The following NRCAM variants were observed in gnomAD, a reference collection of about 807,000 sequenced individuals.
The protein encoded by NRCAM is NgCAM-related cell adhesion molecule.
NRCAM carries 83 observed loss-of-function variants against 156.5 expected under a neutral mutation model. The observed-to-expected ratio is 0.53, with a 90% confidence interval of 0.44 to 0.64. The LOEUF (loss-of-function observed/expected upper bound fraction) is 0.64. Ranked by LOEUF, NRCAM falls within the 30% of genes least tolerant of loss-of-function variation. The pLI is 0.00. For missense variants in NRCAM, 1,417 were observed against 1,597.3 expected (o/e 0.89, Z 1.92); for synonymous variants, 538 against 563.9 (o/e 0.95, Z 0.65).
At chr7:108,200,737 T>TACACAC (rs61489479) in intron 13 of NRCAM, among the ~76,000 whole-genome samples, 196 of 135,066 alleles carry the variant, frequency 1.5e-3, no homozygotes, top group East Asian at 5.9e-3. Flanking sequence ...GATAAAGAAA[T>TACACAC]ACACACACAC....
chr7:108,267,360 C>T (rs1288863507), intron 3 of NRCAM, among the ~76,000 whole-genome samples: 2 of 152,222 alleles, frequency 1.3e-5, no homozygotes, highest in Admixed American at 6.5e-5. Flanking sequence ...AAAAGGCATA[C>T]TGTGGCTTTA....
intron 3 of NRCAM, among the ~76,000 whole-genome samples, chr7:108,298,595 G>C (rs1337211627): frequency 6.6e-6 from 1 of 151,774 alleles, no homozygotes; most frequent in Non-Finnish European, 1.5e-5. Context: ...AGACCTTGCA[G>C]TGAGCCGAGA....
Position 108,300,633 on chromosome 7 carries a change from T to A in NRCAM, c.-107+12032A>T, listed in dbSNP as rs577250283. Among the ~76,000 whole-genome samples, 8 of 152,228 alleles carry A rather than the reference T, an allele frequency of 5.3e-5. No individual in the cohort carries two copies. The South Asian group carries it at 1.7e-3, about 32-fold the overall frequency. On this transcript the variant is annotated intron_variant, in intron 3 of 32. Coordinates refer to ENST00000379028, the MANE Select transcript of NRCAM (RefSeq NM_001037132.4). ...TTGAGGCACATAGGCTAGGTGGAAGTGTAAGGTAATGATAAAGGCATCAGG... is the reference window on the plus strand; with the variant it reads ...TTGAGGCACATAGGCTAGGTGGAAGAGTAAGGTAATGATAAAGGCATCAGG...
chr7:108,219,081 C>G (rs747615460), intron 11 of NRCAM, among the ~76,000 whole-genome samples: 2 of 152,022 alleles, frequency 1.3e-5, no homozygotes, highest in Non-Finnish European at 2.9e-5. Context: ...CTATGAACAC[C>G]CTTACACACA....
chr7:108,404,994 A>AT (rs1168218324), intron 1 of NRCAM, among the ~76,000 whole-genome samples: 3 of 152,198 alleles, frequency 2.0e-5, no homozygotes, highest in Non-Finnish European at 4.4e-5. Context: ...AGGAAATGTG[A>AT]TTTTTTCCTC....
chr7:108,189,710 T>C lies in NRCAM; in HGVS notation c.1970A>G (p.Asp657Gly). 1.3e-6 allele frequency: 2 copies of C among 1,550,142 alleles called. No individual in the cohort carries two copies. The highest frequency in any genetic ancestry group is 1.8e-6 in the Non-Finnish European group (2 of 1,123,740). The change falls in exon 20 of 33, where the codon GAT (aspartate) becomes GGT (glycine). Residue 657 changes from aspartate to glycine, a missense_variant. Physicochemically the swap from Asp to Gly is moderately conservative, Grantham distance 94. This residue lies in a region of NRCAM where 1,238 missense variants were observed against 1,336.4 expected (regional missense o/e 0.93). Transcript: ENST00000379028. The part of the protein sequence containing the change: ...PNPPFDLELT[D>G]QLDKSVQLSW... Reference sequence around the variant, plus strand: ...CAGCTGAACACTTTTGTCAAGTTGATCTGTCAGTTCTAAGTCAAAGGGAGG... The same window carrying C: ...CAGCTGAACACTTTTGTCAAGTTGACCTGTCAGTTCTAAGTCAAAGGGAGG...
chr7:108,342,153 C>G (rs982991253), intron 2 of NRCAM, among the ~76,000 whole-genome samples: 8 of 152,348 alleles, frequency 5.3e-5, no homozygotes, highest in African/African-American at 1.9e-4. Flanking sequence ...TACCTGGACA[C>G]TCTTGTCCTT....
intron 13 of NRCAM, among the ~76,000 whole-genome samples, chr7:108,202,221 C>T (rs1563416326): frequency 6.6e-6 from 1 of 152,176 alleles, no homozygotes; most frequent in Admixed American, 6.5e-5. Flanking sequence ...TGATGGCCTT[C>T]AGAAAATACT....
intron 1 of NRCAM, among the ~76,000 whole-genome samples, chr7:108,448,801 C>G (rs1405024048): frequency 6.6e-6 from 1 of 152,104 alleles, no homozygotes; most frequent in African/African-American, 2.4e-5. Context: ...GCCAAAATCA[C>G]ACTTCATAAA....
intron 1 of NRCAM, among the ~76,000 whole-genome samples, chr7:108,431,690 T>G (rs1825419019): frequency 6.6e-6 from 1 of 152,008 alleles, no homozygotes; most frequent in Admixed American, 6.6e-5. Flanking sequence ...GTGGCTGAGG[T>G]AGGAAAATCA....
chr7:108,363,431 TGTGCCAC>T (rs1470974876), intron 2 of NRCAM, among the ~76,000 whole-genome samples: 1 of 152,076 alleles, frequency 6.6e-6, no homozygotes, highest in Non-Finnish European at 1.5e-5. Context: ...ACGACAGGCG[TGTGCCAC>T]CATGCCCAGC....
intron 27 of NRCAM, among the ~76,000 whole-genome samples, chr7:108,175,819 G>A (rs1457616548): frequency 6.6e-6 from 1 of 152,116 alleles, no homozygotes; most frequent in Non-Finnish European, 1.5e-5. Flanking sequence ...ACTTTTTAAA[G>A]TATGAAAAGA....
chr7:108,155,680 C>A (rs73412317), intron 32 of NRCAM, among the ~76,000 whole-genome samples: 2,148 of 152,056 alleles, frequency 0.014, 57 homozygotes, highest in African/African-American at 0.049. Context: ...TGTGTGGGAC[C>A]AAATTCTATT....
intron 2 of NRCAM, among the ~76,000 whole-genome samples, chr7:108,314,355 T>C (rs1041641969): frequency 6.6e-6 from 1 of 152,190 alleles, no homozygotes; most frequent in Non-Finnish European, 1.5e-5. Flanking sequence ...GTCAAGAGAA[T>C]AGGGTAATAC....
intron 1 of NRCAM, among the ~76,000 whole-genome samples, chr7:108,416,187 T>C (rs1258319416): frequency 6.6e-6 from 1 of 152,236 alleles, no homozygotes; most frequent in Non-Finnish European, 1.5e-5. Context: ...CAAGAATAAC[T>C]ACAGGAGATT....
chr7:108,405,741 T>C (rs2099805423), intron 1 of NRCAM, among the ~76,000 whole-genome samples: 1 of 152,180 alleles, frequency 6.6e-6, no homozygotes, highest in South Asian at 2.1e-4. Flanking sequence ...GTTTGATATG[T>C]GGAAAAAACA....
chr7:108,413,496 C>CCTTA (rs923260577), intron 1 of NRCAM, among the ~76,000 whole-genome samples: 1 of 152,118 alleles, frequency 6.6e-6, no homozygotes, highest in African/African-American at 2.4e-5. Flanking sequence ...CTTTATAAAT[C>CCTTA]CTTACCACTA....
intron 13 of NRCAM, among the ~76,000 whole-genome samples, chr7:108,201,720 C>T (rs2078250151): frequency 6.6e-6 from 1 of 152,170 alleles, no homozygotes. Context: ...CTCTCAGTTG[C>T]ACTTTTCTTT....
At chr7:108,227,872 C>T (rs1357917821) in intron 8 of NRCAM, among the ~76,000 whole-genome samples, 2 of 152,120 alleles carry the variant, frequency 1.3e-5, no homozygotes, top group African/African-American at 2.4e-5. Context: ...CTGGAGCTCC[C>T]TCAGGCAGAA....
Sources: allele counts gnomAD v4.1 joint callset (sites outside exome capture counted in the v4.1 genomes callset), GRCh38; gene constraint gnomAD v4.1.1; regional missense constraint gnomAD v4.1.1; transcripts MANE v1.5; gene names NCBI Gene and HGNC (gene_info 2026-07-23, HGNC 2026-07-21).